Variants in FSTL5 observed in about 807,000 individuals in gnomAD.
The protein encoded by FSTL5 is follistatin like 5.
FSTL5 carries 62 observed loss-of-function variants against 89.1 expected under a neutral mutation model. The ratio of observed to expected loss-of-function variants is 0.70; its 90% CI spans 0.57 to 0.86. The LOEUF (loss-of-function observed/expected upper bound fraction) is 0.86. FSTL5 is among the 40% of genes least tolerant of loss of function. The probability of loss-of-function intolerance (pLI) is 0.00; values close to 1 mark genes in which losing one functional copy is unlikely to be tolerated. For missense variants in FSTL5, 1,057 were observed against 1,001.6 expected (o/e 1.06, Z -0.75); for synonymous variants, 383 against 346.2 (o/e 1.11, Z -1.18).
intron 14 of FSTL5, 95 bp downstream of exon 14, chr4:161,459,117 G>A (rs145200616): frequency 1.2e-6 from 1 of 864,646 alleles, no homozygotes; most frequent in African/African-American, 1.7e-5. Context: ...GTCCTCAGAT[G>A]GAAAAATATC....
chr4:161,953,386 C>T (rs951439298), intron 3 of FSTL5, among the ~76,000 whole-genome samples: 1 of 151,244 alleles, frequency 6.6e-6, no homozygotes, highest in Non-Finnish European at 1.5e-5. Flanking sequence ...TCACATATTC[C>T]ATTAAGTTGT....
chr4:161,459,493 A>G (rs895013424), intron 13 of FSTL5, among the ~76,000 whole-genome samples, 174 bp from the exon 14 acceptor site: 1 of 152,150 alleles, frequency 6.6e-6, no homozygotes, highest in African/African-American at 2.4e-5. Flanking sequence ...ACTCATGTAT[A>G]TTCATATACA....
chr4:161,492,096 G>T (rs1334439432), intron 12 of FSTL5, among the ~76,000 whole-genome samples: 2 of 152,000 alleles, frequency 1.3e-5, no homozygotes, highest in Non-Finnish European at 2.9e-5. Context: ...CTGATCTTTT[G>T]AAAAATATTT....
At chr4:161,459,149 T>C (rs542206769) in intron 14 of FSTL5, 63 bp downstream of exon 14, 7 of 987,188 alleles carry the variant, frequency 7.1e-6, no homozygotes, top group South Asian at 6.7e-5. Context: ...ATCACAAATA[T>C]CCAATAAAAT....
chr4:162,135,933 T>C (rs1242705771), intron 1 of FSTL5, among the ~76,000 whole-genome samples: 1 of 152,128 alleles, frequency 6.6e-6, no homozygotes, highest in African/African-American at 2.4e-5. Flanking sequence ...AATGAGTTTC[T>C]GTTTTAGATC....
chr4:161,408,606 A>G (rs1731474674), intron 15 of FSTL5, among the ~76,000 whole-genome samples: 2 of 152,206 alleles, frequency 1.3e-5, no homozygotes, highest in South Asian at 4.1e-4. Context: ...TATGGAATTC[A>G]GAATCCAGAT....
At chr4:161,757,568 T>A (rs1202358201) in intron 6 of FSTL5, among the ~76,000 whole-genome samples, 1 of 152,150 alleles carries the variant, frequency 6.6e-6, no homozygotes, top group East Asian at 1.9e-4. Flanking sequence ...TGTTAATTTC[T>A]GTGTATTTCA....
intron 7 of FSTL5, among the ~76,000 whole-genome samples, chr4:161,629,804 C>T (rs1735442175): frequency 6.6e-6 from 1 of 152,250 alleles, no homozygotes; most frequent in Admixed American, 6.5e-5. Context: ...ATGTGTGAAC[C>T]TTTAGGCCTG....
intron 6 of FSTL5, among the ~76,000 whole-genome samples, chr4:161,749,700 G>GA (rs1333855807): frequency 1.6e-4 from 25 of 151,998 alleles, no homozygotes; most frequent in African/African-American, 5.8e-4. Flanking sequence ...GCTGAGGCAG[G>GA]AGAATGGCGT....
At chr4:161,530,078 A>G (rs1420584906) in intron 10 of FSTL5, among the ~76,000 whole-genome samples, 1 of 143,100 alleles carries the variant, frequency 7.0e-6, no homozygotes, top group African/African-American at 2.5e-5. Context: ...TCCTCATTCT[A>G]TAGAAATAGA....
At chr4:162,100,777 T>C (rs1168182554) in intron 2 of FSTL5, among the ~76,000 whole-genome samples, 1 of 151,968 alleles carries the variant, frequency 6.6e-6, no homozygotes, top group Non-Finnish European at 1.5e-5. Context: ...GGGTATAGAG[T>C]GACTCTTTGT....
At chr4:161,632,386 C>A (rs1259369529) in intron 7 of FSTL5, among the ~76,000 whole-genome samples, 5 of 151,836 alleles carry the variant, frequency 3.3e-5, no homozygotes, top group African/African-American at 7.3e-5. Flanking sequence ...CCCCCAAAAT[C>A]AAAACAAAAC....
At chr4:162,148,259 T>A (rs1733077332) in intron 1 of FSTL5, among the ~76,000 whole-genome samples, 1 of 152,142 alleles carries the variant, frequency 6.6e-6, no homozygotes, top group Non-Finnish European at 1.5e-5. Flanking sequence ...GTTGACCAAA[T>A]CTTCCCTCTG....
chr4:161,898,365 G>A (rs953868923), intron 4 of FSTL5, among the ~76,000 whole-genome samples: 1 of 151,384 alleles, frequency 6.6e-6, no homozygotes, highest in Non-Finnish European at 1.5e-5. Context: ...TTGAGTGCAG[G>A]TTTTTTTCTT....
At chr4:161,640,782 A>ACATGAATCT (rs1440837855) in intron 7 of FSTL5, among the ~76,000 whole-genome samples, 1 of 152,220 alleles carries the variant, frequency 6.6e-6, no homozygotes, top group Non-Finnish European at 1.5e-5. Flanking sequence ...TTAATAAAAG[A>ACATGAATCT]CATGAATCTT....
chr4:161,800,957 A>G (rs1729772668), intron 4 of FSTL5, among the ~76,000 whole-genome samples: 1 of 151,588 alleles, frequency 6.6e-6, no homozygotes, highest in East Asian at 1.9e-4. Context: ...GGATAGATTA[A>G]TATCTGTTTC....
intron 6 of FSTL5, among the ~76,000 whole-genome samples, chr4:161,707,777 T>C (rs942434759): frequency 6.6e-6 from 1 of 151,884 alleles, no homozygotes; most frequent in African/African-American, 2.4e-5. Context: ...CAATACAGGG[T>C]ATATAATGAA....
At chr4:161,760,439 C>T (rs186210005) in intron 5 of FSTL5, among the ~76,000 whole-genome samples, 2 of 152,190 alleles carry the variant, frequency 1.3e-5, no homozygotes, top group East Asian at 3.9e-4. Context: ...GCGGTATAAT[C>T]AGAAAACAAA....
intron 8 of FSTL5, among the ~76,000 whole-genome samples, chr4:161,569,920 A>G (rs1732949735): frequency 6.6e-6 from 1 of 152,160 alleles, no homozygotes; most frequent in African/African-American, 2.4e-5. Context: ...TAACAACAGA[A>G]GAACATGAAA....
Sources: allele counts gnomAD v4.1 joint callset (sites outside exome capture counted in the v4.1 genomes callset), GRCh38; gene constraint gnomAD v4.1.1; transcripts MANE v1.5; gene names NCBI Gene and HGNC (gene_info 2026-07-23, HGNC 2026-07-21).